FHOD3: variants seen among roughly 807,000 people sequenced by gnomAD.
The protein encoded by FHOD3 is formin homology 2 domain containing 3.
Under a neutral mutation model 173.0 loss-of-function variants are expected in FHOD3, and 90 were observed. The ratio of observed to expected loss-of-function variants is 0.52; its 90% CI spans 0.44 to 0.62. FHOD3 has a LOEUF of 0.62. Among genes scored for constraint, FHOD3 ranks in the 20% least tolerant of loss-of-function variants. The pLI, the probability that FHOD3 is intolerant of heterozygous loss-of-function variation, is 0.00. For synonymous variants in FHOD3, 828 were observed against 823.0 expected, an observed-to-expected ratio of 1.01 and a Z score of -0.10; for missense variants, 1,945 against 2,034.7, an observed-to-expected ratio of 0.96 and a Z score of 0.85.
intron 6 of FHOD3, among the ~76,000 whole-genome samples, chr18:36,577,603 T>A (rs2058703426): frequency 6.6e-6 from 1 of 152,194 alleles, no homozygotes. Flanking sequence ...ATCCGGCCCA[T>A]ACTAGGTGTT....
chr18:36,349,465 A>G (rs16967782), intron 1 of FHOD3, among the ~76,000 whole-genome samples: 17,994 of 152,184 alleles, frequency 0.12, 3,551 homozygotes, highest in African/African-American at 0.41. Flanking sequence ...CTTTCCATTA[A>G]GTTTACTTTT....
intron 3 of FHOD3, among the ~76,000 whole-genome samples, chr18:36,408,390 A>T (rs551979121): frequency 1.3e-5 from 2 of 151,620 alleles, no homozygotes; most frequent in South Asian, 4.2e-4. Flanking sequence ...CACGGGGAGG[A>T]GTGTTTGAGA....
chr18:36,631,829 T>C (rs1458439187), intron 10 of FHOD3, among the ~76,000 whole-genome samples: 1 of 152,234 alleles, frequency 6.6e-6, no homozygotes, highest in African/African-American at 2.4e-5. Flanking sequence ...TACTTGGCAA[T>C]TAGTAAGCCA....
chr18:36,709,720 G>T, intron 18 of FHOD3: 1 of 294,096 alleles, frequency 3.4e-6, no homozygotes, highest in Non-Finnish European at 6.3e-6. Flanking sequence ...CCCCCTGACT[G>T]TTCCATTGTG....
At chr18:36,338,334 T>C (rs1306687869) in intron 1 of FHOD3, among the ~76,000 whole-genome samples, 1 of 152,196 alleles carries the variant, frequency 6.6e-6, no homozygotes, top group Admixed American at 6.5e-5. Flanking sequence ...TCAGCCTCCC[T>C]GGGGCTGCTG....
At chr18:36,464,953 G>A (rs183787387) in intron 3 of FHOD3, among the ~76,000 whole-genome samples, 1 of 152,010 alleles carries the variant, frequency 6.6e-6, no homozygotes, top group Non-Finnish European at 1.5e-5. Flanking sequence ...ACACACGCAG[G>A]CAAACTGCCA....
intron 6 of FHOD3, among the ~76,000 whole-genome samples, chr18:36,583,117 C>A (rs2058912719): frequency 6.6e-6 from 1 of 152,190 alleles, no homozygotes. Context: ...ACAAGGAATG[C>A]ATAAACCAGT....
At chr18:36,381,664 T>C (rs1441428916) in intron 3 of FHOD3, among the ~76,000 whole-genome samples, 1 of 148,146 alleles carries the variant, frequency 6.8e-6, no homozygotes, top group African/African-American at 2.5e-5. Context: ...TTGTGCCAGA[T>C]GCAGTATACT....
chr18:36,706,339 A>G (rs2039876815), intron 17 of FHOD3, among the ~76,000 whole-genome samples: 1 of 152,180 alleles, frequency 6.6e-6, no homozygotes, highest in Admixed American at 6.5e-5. Context: ...CCTTGTAGAC[A>G]CTGAGTCATG....
intron 5 of FHOD3, among the ~76,000 whole-genome samples, chr18:36,541,653 T>A (rs2057226403): frequency 6.6e-6 from 1 of 152,008 alleles, no homozygotes; most frequent in Non-Finnish European, 1.5e-5. Flanking sequence ...GGAAAGTGAG[T>A]AGTCAGTAAA....
chr18:36,523,037 G>T (rs2056348294), intron 5 of FHOD3, among the ~76,000 whole-genome samples: 2 of 152,126 alleles, frequency 1.3e-5, no homozygotes, highest in Non-Finnish European at 2.9e-5. Flanking sequence ...GGCCTGACTT[G>T]TTTCTGGAGC....
chr18:36,452,844 ATATG>A (rs941884984), intron 3 of FHOD3, among the ~76,000 whole-genome samples: 8 of 152,220 alleles, frequency 5.3e-5, no homozygotes, highest in Admixed American at 3.3e-4. Context: ...GTATGTATAT[ATATG>A]TATGTATGTA....
At chr18:36,491,986 G>A (rs1202732691) in intron 3 of FHOD3, among the ~76,000 whole-genome samples, 1 of 152,120 alleles carries the variant, frequency 6.6e-6, no homozygotes, top group Admixed American at 6.5e-5. Context: ...TGGTAGAGTA[G>A]GGCTATGTAT....
At chr18:36,310,973 G>T (rs1207010217) in intron 1 of FHOD3, among the ~76,000 whole-genome samples, 40 of 152,140 alleles carry the variant, frequency 2.6e-4, no homozygotes, top group Admixed American at 2.6e-3. Flanking sequence ...AGAGGCTGTT[G>T]TCAATGACCA....
intron 10 of FHOD3, among the ~76,000 whole-genome samples, chr18:36,637,645 A>G (rs1307258696): frequency 6.6e-6 from 1 of 152,234 alleles, no homozygotes; most frequent in African/African-American, 2.4e-5. Flanking sequence ...GTTTCATAAG[A>G]CAGAGTGCAA....
intron 1 of FHOD3, among the ~76,000 whole-genome samples, chr18:36,343,536 A>T (rs539412930): frequency 6.6e-6 from 1 of 152,270 alleles, no homozygotes; most frequent in Admixed American, 6.5e-5. Flanking sequence ...GAACAGATTA[A>T]TGCCCATGGT....
intron 3 of FHOD3, among the ~76,000 whole-genome samples, chr18:36,462,394 C>G (rs2052608783): frequency 6.6e-6 from 1 of 152,000 alleles, no homozygotes; most frequent in Non-Finnish European, 1.5e-5. Context: ...TGCAGTGGTG[C>G]TATCTCGGCT....
intron 3 of FHOD3, among the ~76,000 whole-genome samples, chr18:36,424,781 G>A (rs915031539): frequency 9.2e-5 from 14 of 152,188 alleles, no homozygotes; most frequent in African/African-American, 3.4e-4. Flanking sequence ...GTTTTCAATT[G>A]TCTATTGTTC....
intron 9 of FHOD3, among the ~76,000 whole-genome samples, chr18:36,613,743 G>C (rs919315370): frequency 6.6e-6 from 1 of 152,000 alleles, no homozygotes; most frequent in African/African-American, 2.4e-5. Context: ...GCGCGATCTC[G>C]GCTCACTGCA....
Sources: allele counts gnomAD v4.1 joint callset (sites outside exome capture counted in the v4.1 genomes callset), GRCh38; gene constraint gnomAD v4.1.1; transcripts MANE v1.5; gene names NCBI Gene and HGNC (gene_info 2026-07-23, HGNC 2026-07-21).